Variants in ADAMTS19 observed in about 807,000 individuals in gnomAD.
ADAMTS19 encodes A disintegrin and metalloproteinase with thrombospondin motifs 19.
A neutral mutation model predicts 153.3 loss-of-function variants in ADAMTS19; 93 were observed. That is an observed-to-expected ratio of 0.61 (90% CI 0.51 to 0.72). ADAMTS19 has a LOEUF of 0.72. ADAMTS19 is among the 30% of genes least tolerant of loss of function. ADAMTS19 has a pLI of 0.00. For synonymous variants in ADAMTS19, 600 were observed against 556.6 expected (o/e 1.08, Z -1.10); for missense variants, 1,482 against 1,552.1 (o/e 0.95, Z 0.76).
chr5:129,664,183 A>G (rs573466112), intron 15 of ADAMTS19, among the ~76,000 whole-genome samples: 1 of 152,332 alleles, frequency 6.6e-6, no homozygotes, highest in South Asian at 2.1e-4. Flanking sequence ...TATAACCTTC[A>G]GCAGAGAATT....
intron 3 of ADAMTS19, among the ~76,000 whole-genome samples, chr5:129,521,964 A>G (rs1751819086): frequency 6.6e-6 from 1 of 152,088 alleles, no homozygotes. Flanking sequence ...CAGGAAGGTG[A>G]TAACTGGAAG....
intron 6 of ADAMTS19, among the ~76,000 whole-genome samples, chr5:129,530,644 C>T (rs1448037980): frequency 6.6e-6 from 1 of 152,000 alleles, no homozygotes; most frequent in Non-Finnish European, 1.5e-5. Flanking sequence ...TCTTGAGGTA[C>T]TATCTTAATC....
Position 129,693,860 on chromosome 5 carries a change from G to T in ADAMTS19, c.2819-860G>T, listed in dbSNP as rs183352628. 2.6e-5 allele frequency among the ~76,000 whole-genome samples: 4 copies of T among 152,238 alleles called. No individual in the cohort carries two copies. In the East Asian group the frequency reaches 7.7e-4, roughly 29 times the overall value. ...TAAGAGTCCCATTTCTTTTCTTACA[G>T]ATGATGACAATCATTTGGGTAAAGA... On this transcript the variant is annotated intron_variant, in intron 18 of 22. Transcript: ENST00000274487.
intron 7 of ADAMTS19, among the ~76,000 whole-genome samples, chr5:129,561,545 A>G (rs1387701006): frequency 1.3e-5 from 2 of 152,000 alleles, no homozygotes; most frequent in South Asian, 2.1e-4. Flanking sequence ...CAAAAAAAAA[A>G]AAAAAAGAAA....
intron 8 of ADAMTS19, among the ~76,000 whole-genome samples, chr5:129,597,122 T>C (rs1300338526): frequency 1.3e-5 from 2 of 152,204 alleles, no homozygotes; most frequent in Non-Finnish European, 2.9e-5. Context: ...ATTAGACATA[T>C]AATTAACACA....
chr5:129,604,468 T>C (rs1215195926), intron 8 of ADAMTS19, among the ~76,000 whole-genome samples: 1 of 152,232 alleles, frequency 6.6e-6, no homozygotes, highest in African/African-American at 2.4e-5. Context: ...TTTGTTCATC[T>C]GTTAGATATA....
At chr5:129,717,117 C>T (rs1359023662) in intron 21 of ADAMTS19, among the ~76,000 whole-genome samples, 1 of 152,128 alleles carries the variant, frequency 6.6e-6, no homozygotes, top group African/African-American at 2.4e-5. Flanking sequence ...CCTTAGAACT[C>T]CTTGGTACAT....
intron 7 of ADAMTS19, among the ~76,000 whole-genome samples, chr5:129,593,945 C>T (rs922170965): frequency 3.3e-5 from 5 of 152,126 alleles, no homozygotes; most frequent in Non-Finnish European, 7.4e-5. Context: ...TTCCATTCAC[C>T]TTTGACCTAT....
At chr5:129,697,992 G>T (rs1428545690) in intron 19 of ADAMTS19, among the ~76,000 whole-genome samples, 1 of 152,154 alleles carries the variant, frequency 6.6e-6, no homozygotes, top group African/African-American at 2.4e-5. Context: ...TCCCAAGTTG[G>T]TCTGTGAAGG....
chr5:129,555,111 T>TC (rs1442774003), intron 7 of ADAMTS19, among the ~76,000 whole-genome samples: 1 of 152,130 alleles, frequency 6.6e-6, no homozygotes, highest in Non-Finnish European at 1.5e-5. Context: ...ACTTTTTTTT[T>TC]CTGTAATGAA....
At chr5:129,598,112 A>G (rs961512886) in intron 8 of ADAMTS19, among the ~76,000 whole-genome samples, 11 of 152,124 alleles carry the variant, frequency 7.2e-5, no homozygotes, top group Non-Finnish European at 1.5e-4. Context: ...TTTGGCCTTC[A>G]GTGTTTAAAA....
chr5:129,555,367 A>T (rs935068981), intron 7 of ADAMTS19, among the ~76,000 whole-genome samples: 1 of 152,146 alleles, frequency 6.6e-6, no homozygotes, highest in Admixed American at 6.6e-5. Context: ...CAGTATTTTC[A>T]TGGACATTAT....
chr5:129,714,834 A>C (rs1173072584), intron 21 of ADAMTS19, among the ~76,000 whole-genome samples: 1 of 152,232 alleles, frequency 6.6e-6, no homozygotes, highest in African/African-American at 2.4e-5. Flanking sequence ...GCACTTTTGC[A>C]TAATTTGCTA....
chr5:129,461,572 A>G lies in ADAMTS19; in HGVS notation c.562A>G (p.Arg188Gly), dbSNP rs1749664572. The G allele has an allele frequency of 6.4e-7, 1 of 1,562,574 alleles. No individual in the cohort carries two copies. The highest frequency in any genetic ancestry group is 1.1e-5 in the South Asian group (1 of 87,834). ...TCGGGACCTGTACCTGCTGCTCCGG[A>G]GAGACGGCCGCTTCCTGGCGCCGCG... ...FSRDLYLLLR[R>G]DGRFLAPRFA... is the part of the protein sequence containing the mutation. The change falls in exon 2 of 23, where the codon AGA becomes GGA. Residue 188 changes from arginine to glycine, a missense_variant. By Grantham distance (125) the Arg-to-Gly change is moderately radical. This residue lies in a region of ADAMTS19 where 866 missense variants were observed against 827.7 expected (regional missense o/e 1.05). Coordinates refer to ENST00000274487, the MANE Select transcript of ADAMTS19 (RefSeq NM_133638.6). This position sits in a 1 kb window ranked among gnomAD's most constrained non-coding sequence, Gnocchi z 4.6.
intron 16 of ADAMTS19, among the ~76,000 whole-genome samples, chr5:129,671,861 C>G (rs1232203610): frequency 6.6e-6 from 1 of 151,998 alleles, no homozygotes; most frequent in African/African-American, 2.4e-5. Context: ...GTCTACTTAC[C>G]TTCCACGCAG....
chr5:129,494,187 CAG>C (rs903843143), intron 2 of ADAMTS19, among the ~76,000 whole-genome samples: 4 of 152,084 alleles, frequency 2.6e-5, no homozygotes, highest in Non-Finnish European at 4.4e-5. Context: ...GAATTATAAA[CAG>C]AGAAATATCT....
intron 7 of ADAMTS19, among the ~76,000 whole-genome samples, chr5:129,575,108 A>C (rs1581101633): frequency 6.6e-6 from 1 of 151,990 alleles, no homozygotes; most frequent in Admixed American, 6.6e-5. Flanking sequence ...CAGTTTATAG[A>C]TTACTTGAAT....
chr5:129,708,654 T>C (rs1420268403), intron 21 of ADAMTS19, among the ~76,000 whole-genome samples: 1 of 151,168 alleles, frequency 6.6e-6, no homozygotes, highest in African/African-American at 2.4e-5. Context: ...GATCTGATTA[T>C]TTATGAAGTT....
chr5:129,510,045 T>C (rs1324762505), intron 3 of ADAMTS19, among the ~76,000 whole-genome samples: 1 of 151,870 alleles, frequency 6.6e-6, no homozygotes, highest in African/African-American at 2.4e-5. Flanking sequence ...CATCTCAGGG[T>C]ATTTACTGAT....
Sources: allele counts gnomAD v4.1 joint callset (sites outside exome capture counted in the v4.1 genomes callset), GRCh38; gene constraint gnomAD v4.1.1; regional missense constraint gnomAD v4.1.1; non-coding constraint Gnocchi (gnomAD v3.1); transcripts MANE v1.5; gene names NCBI Gene and HGNC (gene_info 2026-07-23, HGNC 2026-07-21).